APP: variants seen among roughly 807,000 people sequenced by gnomAD.
APP encodes amyloid-beta precursor protein.
APP carries 31 observed loss-of-function variants against 101.4 expected under a neutral mutation model. The observed-to-expected ratio is 0.31, with a 90% CI of 0.23 to 0.41. The LOEUF (loss-of-function observed/expected upper bound fraction) is 0.41. Among genes scored for constraint, APP ranks in the 10% least tolerant of loss-of-function variants. The pLI, the probability that APP is intolerant of heterozygous loss-of-function variation, is 1.00. For missense variants in APP, 839 were observed against 1,003.7 expected, an observed-to-expected ratio of 0.84 and a Z score of 2.22; for synonymous variants, 366 against 364.4, an observed-to-expected ratio of 1.00 and a Z score of -0.05.
At chr21:25,979,187 C>T (rs778273283) in intron 9 of APP, among the ~76,000 whole-genome samples, 2 of 152,076 alleles carry the variant, frequency 1.3e-5, no homozygotes, top group Non-Finnish European at 2.9e-5. Flanking sequence ...CAACAACAAA[C>T]CAAAATATGA....
intron 13 of APP, among the ~76,000 whole-genome samples, chr21:25,936,962 C>T (rs954297363): frequency 6.6e-6 from 1 of 152,048 alleles, no homozygotes; most frequent in Non-Finnish European, 1.5e-5. Context: ...TCTTGTACTG[C>T]CCCTTTCATG....
rs189744694 is a variant in APP, at chr21:25,991,148, T to C, written c.1090+6212A>G. The stretch of plus-strand genomic sequence containing the variant: ...AAGGCATAGAGTGGCATAATGGACA[T>C]TGGAGACTCAGAATGAGGAAGAGTG... On this transcript the variant is annotated intron_variant, in intron 8 of 17. Coordinates refer to ENST00000346798, the MANE Select transcript of APP (RefSeq NM_000484.4). Among the ~76,000 whole-genome samples, 200 of 152,174 alleles carry C rather than the reference T, an allele frequency of 1.3e-3. 1 individual carries two copies. The highest frequency in any genetic ancestry group is 4.6e-3 in the African/African-American group (189 of 41,512).
intron 13 of APP, among the ~76,000 whole-genome samples, chr21:25,912,171 C>T (rs1285270280): frequency 1.3e-5 from 2 of 152,178 alleles, no homozygotes; most frequent in African/African-American, 2.4e-5. Context: ...TATGCAAAGT[C>T]GCAGCTCACA....
At chr21:26,026,211 T>G (rs28529026) in intron 5 of APP, among the ~76,000 whole-genome samples, 5,684 of 152,328 alleles carry the variant, frequency 0.037, 371 homozygotes, top group African/African-American at 0.13. Flanking sequence ...AGTGGAACAT[T>G]CATACCACAT....
intron 2 of APP, among the ~76,000 whole-genome samples, chr21:26,105,377 G>T (rs1375986107): frequency 2.0e-5 from 3 of 151,982 alleles, no homozygotes; most frequent in Non-Finnish European, 2.9e-5. Flanking sequence ...CAGAGGAGAT[G>T]GTAAGATTAT....
chr21:25,950,204 A>G (rs1027472221), intron 13 of APP, among the ~76,000 whole-genome samples: 10 of 152,154 alleles, frequency 6.6e-5, no homozygotes, highest in African/African-American at 2.4e-4. Flanking sequence ...TGTGACCATC[A>G]GCATTATCAC....
chr21:25,930,361 G>A (rs551613553), intron 13 of APP, among the ~76,000 whole-genome samples: 12 of 152,232 alleles, frequency 7.9e-5, no homozygotes, highest in African/African-American at 2.2e-4. Context: ...CAAAAACTCC[G>A]CCATGCTGTG....
intron 1 of APP, among the ~76,000 whole-genome samples, chr21:26,116,895 T>TC (rs1166211422): frequency 6.6e-6 from 1 of 152,170 alleles, no homozygotes; most frequent in Admixed American, 6.5e-5. Flanking sequence ...CAGTATTTTT[T>TC]TTTGGATACA....
chr21:26,033,530 T>C (rs1318857560), intron 5 of APP, among the ~76,000 whole-genome samples: 3 of 152,100 alleles, frequency 2.0e-5, no homozygotes. Flanking sequence ...CAATTCTCAG[T>C]ATGGTGGAGG....
At chr21:25,997,009 G>A (rs1001417179) in intron 8 of APP, among the ~76,000 whole-genome samples, 5 of 152,212 alleles carry the variant, frequency 3.3e-5, no homozygotes, top group African/African-American at 9.7e-5. Flanking sequence ...CAAAAGCAGT[G>A]AGAGGCTAAG....
At chr21:25,943,011 A>G (rs953878275) in intron 13 of APP, 5 of 152,096 alleles carry the variant, frequency 3.3e-5, no homozygotes, top group African/African-American at 1.2e-4. Context: ...GTATCTATGA[A>G]TTTACTACCC....
rs10686276 is a variant in APP, at chr21:25,890,722, CA to C, written c.2211+999del. ...CCTGGGCAACAGCGCGAGACTGTCT[CA>C]AAAAAAAAAAAAAAAAGCAATGGGG... is the stretch of plus-strand genomic sequence containing the variant. On this transcript the variant is annotated intron_variant, in intron 17 of 17. Coordinates refer to ENST00000346798, the MANE Select transcript of APP (RefSeq NM_000484.4). Among the ~76,000 whole-genome samples, 121 of 114,680 alleles carry C rather than the reference CA, an allele frequency of 1.1e-3. 1 individual carries two copies. Among genetic ancestry groups the C allele is most frequent in the East Asian group, 1.0e-3 (4 of 3,830 alleles). The allele number at this position is 114,680 out of a possible 152,430, so 75.2% of individuals were successfully genotyped here.
intron 1 of APP, among the ~76,000 whole-genome samples, chr21:26,113,293 G>A (rs1411124008): frequency 6.6e-6 from 1 of 152,144 alleles, no homozygotes; most frequent in Non-Finnish European, 1.5e-5. Context: ...CCTAAAAACT[G>A]TCCACAGGAG....
chr21:26,061,916 A>G (rs574838713), intron 3 of APP, among the ~76,000 whole-genome samples: 4 of 152,296 alleles, frequency 2.6e-5, no homozygotes, highest in South Asian at 2.1e-4. Context: ...CAGAGTGAGT[A>G]TAAGACAGAA....
chr21:25,992,543 T>G (rs1168212504), intron 8 of APP, among the ~76,000 whole-genome samples: 2 of 152,200 alleles, frequency 1.3e-5, no homozygotes, highest in African/African-American at 4.8e-5. Flanking sequence ...GAAGAGATAT[T>G]TAACCTGTAT....
chr21:26,119,679 A>G (rs914135371), intron 1 of APP, among the ~76,000 whole-genome samples: 8 of 136,782 alleles, frequency 5.8e-5, no homozygotes, highest in African/African-American at 2.0e-4. Flanking sequence ...TGGGAGTGCT[A>G]GAATGAACAC....
chr21:25,946,711 A>G (rs939486355), intron 13 of APP, among the ~76,000 whole-genome samples: 1 of 151,726 alleles, frequency 6.6e-6, no homozygotes, highest in African/African-American at 2.4e-5. Flanking sequence ...TTAAGAAAGT[A>G]AGGTAAACAA....
intron 17 of APP, among the ~76,000 whole-genome samples, chr21:25,883,486 T>C (rs1433257757): frequency 1.3e-5 from 2 of 151,892 alleles, no homozygotes; most frequent in Non-Finnish European, 2.9e-5. Context: ...GGTCGGGAGT[T>C]TGAGACACGC....
rs373793200 is a variant in APP at position 26,026,149 on chromosome 21, C to T, written c.663-4107G>A. 5.3e-5 allele frequency among the ~76,000 whole-genome samples: 8 copies of T among 152,304 alleles called. No homozygotes were observed. The East Asian group carries it at 1.5e-3, about 29-fold the overall frequency. On this transcript the variant is annotated intron_variant, in intron 5 of 17. Transcript: ENST00000346798. Reference sequence around the variant, plus strand: ...AAAGCTGAGCATCATAAAACAATTTCCTTACAAACAATCAAATAACAACTC... The same window carrying T: ...AAAGCTGAGCATCATAAAACAATTTTCTTACAAACAATCAAATAACAACTC...
Sources: gnomAD v4.1 joint callset for allele counts (sites outside exome capture counted in the v4.1 genomes callset) on GRCh38, gnomAD v4.1.1 for gene constraint, MANE v1.5 for transcripts, NCBI Gene and HGNC (gene_info 2026-07-23, HGNC 2026-07-21) for gene names.